Variants in PCDHGA5 observed in about 807,000 individuals in gnomAD.
PCDHGA5 encodes the protein protocadherin gamma subfamily A, 5.
A neutral mutation model predicts 56.7 loss-of-function variants in PCDHGA5; 36 were observed. That is an observed-to-expected ratio of 0.64 (90% CI 0.49 to 0.84). The LOEUF is 0.84. PCDHGA5 is among the 40% of genes least tolerant of loss of function. The pLI, the probability that PCDHGA5 is intolerant of heterozygous loss-of-function variation, is 0.00. For synonymous variants in PCDHGA5, 563 were observed against 520.2 expected (o/e 1.08, Z -1.12); for missense variants, 1,305 against 1,201.5 (o/e 1.09, Z -1.27).
At chr5:141,483,980 G>A (rs1379963326) in intron 1 of PCDHGA5, among the ~76,000 whole-genome samples, 4 of 148,294 alleles carry the variant, frequency 2.7e-5, no homozygotes, top group Non-Finnish European at 5.9e-5. Flanking sequence ...CAAGGGAGTA[G>A]CTAGGTTGCT....
chr5:141,384,090 A>C (rs765649529), intron 1 of PCDHGA5: 1 of 1,596,410 alleles, frequency 6.3e-7, no homozygotes, highest in South Asian at 1.1e-5. Context: ...TAGAAAAATC[A>C]ATAGATAATT....
intron 1 of PCDHGA5, among the ~76,000 whole-genome samples, chr5:141,368,336 T>C (rs1395637644): frequency 6.6e-6 from 1 of 152,126 alleles, no homozygotes; most frequent in Non-Finnish European, 1.5e-5. Flanking sequence ...TCTATATCTA[T>C]ATACATATAC....
intron 1 of PCDHGA5, chr5:141,475,983 C>A: frequency 9.5e-7 from 1 of 1,049,244 alleles, no homozygotes; most frequent in Non-Finnish European, 1.4e-6. Context: ...GAACAGCCGG[C>A]GAGCAAATCA....
chr5:141,488,815 T>A (rs769851687), intron 1 of PCDHGA5, among the ~76,000 whole-genome samples: 30 of 152,144 alleles, frequency 2.0e-4, no homozygotes, highest in Non-Finnish European at 4.1e-4. Context: ...ATCTGAGCTG[T>A]CAAACTTTGC....
Position 141,432,169 on chromosome 5 carries a change from C to T in PCDHGA5, c.2422-62638C>T. On this transcript the variant is annotated intron_variant, in intron 1 of 3. Transcript: ENST00000518069. The surrounding 1 kb of genome is among the most constrained non-coding windows in gnomAD (Gnocchi z 6.0). ...CAGAGAACAATCCCAGAGGAGTTTCCCTCGTCTCTGTGACCGCCCACGACC... is the reference window on the plus strand; with the variant it reads ...CAGAGAACAATCCCAGAGGAGTTTCTCTCGTCTCTGTGACCGCCCACGACC... The T allele has an allele frequency of 6.2e-7, 1 of 1,614,204 alleles. No homozygotes were observed. The highest frequency in any genetic ancestry group is 1.6e-4 in the Middle Eastern group (1 of 6,062).
intron 1 of PCDHGA5, chr5:141,370,805 C>T: frequency 6.2e-7 from 1 of 1,614,026 alleles, no homozygotes; most frequent in Non-Finnish European, 8.5e-7. Flanking sequence ...GCCAAAATAT[C>T]ACTGAGCTGG....
chr5:141,510,289 A>T (rs1279501931), intron 3 of PCDHGA5, among the ~76,000 whole-genome samples: 3 of 151,754 alleles, frequency 2.0e-5, no homozygotes, highest in Non-Finnish European at 4.4e-5. Context: ...AAAAAAAAAA[A>T]AATGCTGTTT....
chr5:141,432,264 C>A lies in PCDHGA5; in HGVS notation c.2422-62543C>A. On this transcript the variant is annotated intron_variant, in intron 1 of 3. Transcript: ENST00000518069. The surrounding 1 kb of genome is among the most constrained non-coding windows in gnomAD (Gnocchi z 6.0). Reference sequence around the variant, plus strand: ...AACACCATCCAAGGGGCAAGCCTATCGTCCTACGTGTCCATCAACTCCGAC... The same window carrying A: ...AACACCATCCAAGGGGCAAGCCTATAGTCCTACGTGTCCATCAACTCCGAC... 5 of 1,614,252 alleles carry A rather than the reference C, an allele frequency of 3.1e-6. No homozygotes were observed. Among genetic ancestry groups the A allele is most frequent in the Non-Finnish European group, 4.2e-6 (5 of 1,180,044 alleles).
intron 1 of PCDHGA5, chr5:141,419,837 C>G (rs778271441): frequency 1.2e-6 from 2 of 1,614,090 alleles, no homozygotes; most frequent in South Asian, 2.2e-5. Context: ...CACTGCCACG[C>G]TGCACCTGGT....
At chr5:141,433,646 A>G (rs2097639113) in intron 1 of PCDHGA5, among the ~76,000 whole-genome samples, 1 of 152,012 alleles carries the variant, frequency 6.6e-6, no homozygotes, top group Non-Finnish European at 1.5e-5. Flanking sequence ...GACCAGCCTG[A>G]CCAACATGGA....
chr5:141,511,453 T>G lies in PCDHGA5; in HGVS notation c.*280T>G. 1.7e-6 allele frequency: 1 copy of G among 595,822 alleles called. No individual in the cohort carries two copies. Among genetic ancestry groups the G allele is most frequent in the Non-Finnish European group, 2.8e-6 (1 of 360,062 alleles). 36.9% of individuals were successfully genotyped at this position (595,822 alleles called of 1,614,324 possible). ...GGTTACTGTAGACACCAAGAACCATTTGCCACACCCCGTTTAGTTACAGCT... is the reference window on the plus strand; with the variant it reads ...GGTTACTGTAGACACCAAGAACCATGTGCCACACCCCGTTTAGTTACAGCT... On this transcript the variant is annotated 3_prime_UTR_variant, in exon 4 of 4. Transcript: ENST00000518069.
intron 1 of PCDHGA5, among the ~76,000 whole-genome samples, chr5:141,467,055 C>CTTTTTTTTTTTTTTTTTTT (rs1193465269): frequency 7.4e-6 from 1 of 134,498 alleles, no homozygotes; most frequent in Non-Finnish European, 1.6e-5. Context: ...TCAATGTTTT[C>CTTTTTTTTTTTTTTTTTTT]TTTTTTTTTT....
chr5:141,405,089 G>T, intron 1 of PCDHGA5: 2 of 1,613,878 alleles, frequency 1.2e-6, no homozygotes, highest in South Asian at 2.2e-5. Context: ...CACGCTGCTG[G>T]CCCTCAGGCT....
chr5:141,420,980 C>T (rs1463868271), intron 1 of PCDHGA5: 1 of 484,260 alleles, frequency 2.1e-6, no homozygotes, highest in Non-Finnish European at 3.6e-6. Flanking sequence ...AGAATGGGCT[C>T]TAGGCGCCGC....
chr5:141,478,347 C>T, intron 1 of PCDHGA5: 2 of 1,613,802 alleles, frequency 1.2e-6, no homozygotes, highest in Non-Finnish European at 1.7e-6. Context: ...TCCTTGCACG[C>T]GGACGCCGTG....
chr5:141,426,394 A>G (rs1353766048), intron 1 of PCDHGA5: 1 of 258,122 alleles, frequency 3.9e-6, no homozygotes, highest in African/African-American at 2.2e-5. Flanking sequence ...CCGCTACTCT[A>G]TTCCAGAAGA....
At chr5:141,390,307 A>G (rs2092112369) in intron 1 of PCDHGA5, 1 of 1,613,424 alleles carries the variant, frequency 6.2e-7, no homozygotes, top group Admixed American at 1.7e-5. Flanking sequence ...GTATAATTTA[A>G]TGCTCATTGC....
chr5:141,454,956 G>A (rs62379171), intron 1 of PCDHGA5, among the ~76,000 whole-genome samples: 5,077 of 149,940 alleles, frequency 0.034, 97 homozygotes, highest in Middle Eastern at 0.091. Context: ...TACAGGCGCC[G>A]GCCACCACGC....
intron 1 of PCDHGA5, among the ~76,000 whole-genome samples, chr5:141,443,297 A>G (rs1208893030): frequency 6.7e-6 from 1 of 148,196 alleles, no homozygotes; most frequent in East Asian, 2.0e-4. Context: ...CCTGGACAGC[A>G]TGGCAAAAAC....
Sources: allele counts gnomAD v4.1 joint callset (sites outside exome capture counted in the v4.1 genomes callset), GRCh38; gene constraint gnomAD v4.1.1; non-coding constraint Gnocchi (gnomAD v3.1); transcripts MANE v1.5; gene names NCBI Gene and HGNC (gene_info 2026-07-23, HGNC 2026-07-21).